Variants in SLC35A3 observed in about 807,000 individuals in gnomAD.
The protein encoded by SLC35A3 is solute carrier family 35 member A3, also known as UDP-N-acetylglucosamine transporter.
In SLC35A3, 26 loss-of-function variants were observed where a neutral mutation model predicts 39.0. That is an observed-to-expected ratio of 0.67 (90% CI 0.49 to 0.92). The LOEUF (loss-of-function observed/expected upper bound fraction) is 0.92. Among genes scored for constraint, SLC35A3 ranks in the 40% least tolerant of loss-of-function variants. The probability of loss-of-function intolerance (pLI) is 0.00; values close to 1 mark genes in which losing one functional copy is unlikely to be tolerated. For missense variants in SLC35A3, 299 were observed against 371.6 expected, an observed-to-expected ratio of 0.80 and a Z score of 1.61; for synonymous variants, 135 against 133.1, an observed-to-expected ratio of 1.01 and a Z score of -0.10.
intron 2 of SLC35A3, among the ~76,000 whole-genome samples, chr1:99,997,872 A>T (rs990002894): frequency 6.6e-6 from 1 of 152,098 alleles, no homozygotes; most frequent in Non-Finnish European, 1.5e-5. Flanking sequence ...CAACCTAGAT[A>T]CTGGAAGGTC....
Position 100,017,787 on chromosome 1 carries a change from T to A in SLC35A3, c.859T>A (p.Phe287Ile), listed in dbSNP as rs1368267376. The A allele has an allele frequency of 6.4e-7, 1 of 1,573,404 alleles. No individual in the cohort carries two copies. The highest frequency in any genetic ancestry group is 8.6e-7 in the Non-Finnish European group (1 of 1,164,940). The change falls in exon 7 of 8, where the codon TTT becomes ATT. Residue 287 changes from phenylalanine (F) to isoleucine (I), a missense_variant. By Grantham distance (21) the Phe-to-Ile change is conservative (BLOSUM62 0). Coordinates refer to ENST00000533028, the MANE Select transcript of SLC35A3 (RefSeq NM_012243.3). ...SIILSTLISYFWLQDFVPTSV... is the reference protein window; with the variant it reads ...SIILSTLISYIWLQDFVPTSV... Reference sequence around the variant, plus strand: ...AATATTATCAACATTGATCTCCTATTTTTGGCTTCAAGATTTTGTGCCAAC... The same window carrying A: ...AATATTATCAACATTGATCTCCTATATTTGGCTTCAAGATTTTGTGCCAAC...
In SLC35A3 at chr1:100,007,062, C is replaced by T; in HGVS notation, c.371C>T (p.Thr124Ile). 1.2e-6 allele frequency: 2 copies of T among 1,608,368 alleles called. No homozygotes were observed. The highest frequency in any genetic ancestry group is 1.7e-6 in the Non-Finnish European group (2 of 1,178,238). Residue 124 changes from threonine (T) to isoleucine (I), a missense_variant, in exon 4 of 8, where the codon ACA (threonine) becomes ATA (isoleucine). Coordinates refer to ENST00000533028, the MANE Select transcript of SLC35A3 (RefSeq NM_012243.3). ...QVTYQLKILTTALFSVSMLSK... is the reference protein window; with the variant it reads ...QVTYQLKILTIALFSVSMLSK... ...ACGTATCAGTTAAAAATTCTTACAACAGCATTATTTTCTGTGTCTATGCTT... is the reference window on the plus strand; with the variant it reads ...ACGTATCAGTTAAAAATTCTTACAATAGCATTATTTTCTGTGTCTATGCTT...
At chr1:99,998,336 T>G (rs576186430) in intron 2 of SLC35A3, among the ~76,000 whole-genome samples, 207 of 152,200 alleles carry the variant, frequency 1.4e-3, no homozygotes, top group African/African-American at 4.7e-3. Context: ...AAAAAAATTT[T>G]TTTTTGAGAC....
intron 1 of SLC35A3, among the ~76,000 whole-genome samples, chr1:99,973,969 C>T (rs1026830884): frequency 2.0e-5 from 3 of 149,604 alleles, no homozygotes; most frequent in Non-Finnish European, 3.0e-5. Flanking sequence ...GAGCCAAAAT[C>T]GCTCCATTGC....
At chr1:99,976,502 G>T (rs957643733) in intron 1 of SLC35A3, among the ~76,000 whole-genome samples, 2 of 152,104 alleles carry the variant, frequency 1.3e-5, no homozygotes, top group African/African-American at 4.8e-5. Flanking sequence ...TTCTGTAAAG[G>T]CACATGCACT....
intron 4 of SLC35A3, among the ~76,000 whole-genome samples, chr1:100,010,909 CT>C (rs2101360483): frequency 6.6e-6 from 1 of 152,248 alleles, no homozygotes; most frequent in Admixed American, 6.5e-5. Flanking sequence ...GATGGACTGT[CT>C]TTTCCTGACA....
chr1:100,029,506 C>T lies in SLC35A3; in HGVS notation c.*7030C>T, dbSNP rs547463866. The T allele has an allele frequency of 6.7e-6, 1 of 149,216 alleles. No individual in the cohort carries two copies. Among genetic ancestry groups the T allele is most frequent in the Non-Finnish European group, 1.5e-5 (1 of 67,782 alleles). The allele number at this position is 149,216 out of a possible 1,614,324, so 9.2% of individuals were successfully genotyped here. A position where few individuals can be genotyped will look rare whatever the true frequency, so the allele number is the denominator to read the frequency against. On this transcript the variant is annotated 3_prime_UTR_variant, in exon 8 of 8. Coordinates refer to ENST00000533028, the MANE Select transcript of SLC35A3 (RefSeq NM_012243.3). ...AGTTCAGCGGCACGATCTCTGCTCA[C>T]TGCAACCTCCGCCTCCTGGGTTTGA...
At position 100,032,434 on chromosome 1, in the gene SLC35A3, GT is replaced by G. The variant is rs1661292088; in HGVS notation, c.*9959del. 1 of 151,936 alleles carries G rather than the reference GT, an allele frequency of 6.6e-6. No homozygotes were observed. Among genetic ancestry groups the G allele is most frequent in the Admixed American group, 6.6e-5 (1 of 15,254 alleles). The allele number at this position is 151,936 out of a possible 1,614,324, so 9.4% of individuals were successfully genotyped here. ...TATCCCTCTTTAAAAAAAAGACCATGTCTTCATGAATTTAAAAAAAATTACT... is the reference window on the plus strand; with the variant it reads ...TATCCCTCTTTAAAAAAAAGACCATGCTTCATGAATTTAAAAAAAATTACT... On this transcript the variant is annotated 3_prime_UTR_variant, in exon 8 of 8. Transcript: ENST00000533028.
chr1:99,972,710 C>A (rs1430454266), intron 1 of SLC35A3, among the ~76,000 whole-genome samples: 7 of 152,142 alleles, frequency 4.6e-5, no homozygotes, highest in Admixed American at 3.3e-4. Flanking sequence ...ATATTTGTTA[C>A]ATTAATCATG....
rs1480115490 is a variant in SLC35A3, at chr1:100,018,484, C to T, written c.887+669C>T. Reference sequence around the variant, plus strand: ...TCTCCTGATTTTCTCAACCTCTAAACTTTGGAATCTCCCAAGAATCTTTTA... The same window carrying T: ...TCTCCTGATTTTCTCAACCTCTAAATTTTGGAATCTCCCAAGAATCTTTTA... On this transcript the variant is annotated intron_variant, in intron 7 of 7. Transcript: ENST00000533028. 2.0e-5 allele frequency among the ~76,000 whole-genome samples: 3 copies of T among 152,134 alleles called. 1 individual carries two copies. The highest frequency in any genetic ancestry group is 4.4e-5 in the Non-Finnish European group (3 of 68,016).
In SLC35A3 at chr1:99,979,447, T is replaced by A. The variant is rs1388285196; in HGVS notation, c.-19+9285T>A. Among the ~76,000 whole-genome samples the A allele has an allele frequency of 5.6e-5, 8 of 143,538 alleles. No individual in the cohort carries two copies. In the East Asian group the frequency reaches 9.9e-4, roughly 18 times the overall value. The allele number at this position is 143,538 out of a possible 152,430, so 94.2% of individuals were successfully genotyped here. On this transcript the variant is annotated intron_variant, in intron 1 of 7. Coordinates refer to ENST00000533028, the MANE Select transcript of SLC35A3 (RefSeq NM_012243.3). Reference sequence around the variant, plus strand: ...TTTTCTTTCTTTTTTTTTTTTTTTTTATTTGAGACAGAGTCTCACTCTGTT... The same window carrying A: ...TTTTCTTTCTTTTTTTTTTTTTTTTAATTTGAGACAGAGTCTCACTCTGTT...
intron 1 of SLC35A3, among the ~76,000 whole-genome samples, chr1:99,989,802 G>T (rs1461534505): frequency 6.6e-6 from 1 of 152,106 alleles, no homozygotes; most frequent in Middle Eastern, 3.2e-3. Context: ...GTCTTGCTCT[G>T]TCACCCAGGC....
At chr1:100,004,364 GCA>G (rs1483410306) in intron 3 of SLC35A3, among the ~76,000 whole-genome samples, 1 of 152,174 alleles carries the variant, frequency 6.6e-6, no homozygotes, top group Non-Finnish European at 1.5e-5. Context: ...GAGTGCAGGG[GCA>G]CAGTCTTGGT....
Position 100,029,571 on chromosome 1 carries a change from C to T in SLC35A3, c.*7095C>T, listed in dbSNP as rs533803019. On this transcript the variant is annotated 3_prime_UTR_variant, in exon 8 of 8. Transcript: ENST00000533028. ...TCAGCCTCCCAAGTAGCTGGGATTA[C>T]TGGTGCTCACCACCACGCCCAACTA... 1 of 151,896 alleles carries T rather than the reference C, an allele frequency of 6.6e-6. No homozygotes were observed. Among genetic ancestry groups the T allele is most frequent in the African/African-American group, 2.4e-5 (1 of 41,396 alleles). The allele number at this position is 151,896 out of a possible 1,614,324, so 9.4% of individuals were successfully genotyped here. A position where few individuals can be genotyped will look rare whatever the true frequency, so the allele number is the denominator to read the frequency against.
rs1230062063 is a variant in SLC35A3, at chr1:100,029,872, G to C, written c.*7396G>C. 1 of 152,080 alleles carries C rather than the reference G, an allele frequency of 6.6e-6. No individual in the cohort carries two copies. The highest frequency in any genetic ancestry group is 1.5e-5 in the Non-Finnish European group (1 of 68,002). 9.4% of individuals were successfully genotyped at this position (152,080 alleles called of 1,614,324 possible). On this transcript the variant is annotated 3_prime_UTR_variant, in exon 8 of 8. Coordinates refer to ENST00000533028, the MANE Select transcript of SLC35A3 (RefSeq NM_012243.3). ...ACATATATATATATATAGAGAGAGA[G>C]AGAGCATAGTATTGTCATTTAGTTT...
chr1:100,023,107 A>G lies in SLC35A3; in HGVS notation c.*631A>G, dbSNP rs954902634. On this transcript the variant is annotated 3_prime_UTR_variant, in exon 8 of 8. Transcript: ENST00000533028. ...TAAATTTAATGTAGAGATACATACT[A>G]TTTCTCCATATGAATTTTAAGATAT... 6.6e-5 allele frequency: 10 copies of G among 152,168 alleles called. No homozygotes were observed. The highest frequency in any genetic ancestry group is 5.2e-4 in the Admixed American group (8 of 15,266). 9.4% of individuals were successfully genotyped at this position (152,168 alleles called of 1,614,324 possible). A position where few individuals can be genotyped will look rare whatever the true frequency, so the allele number is the denominator to read the frequency against.
chr1:99,986,165 CT>C (rs199503957), intron 1 of SLC35A3, among the ~76,000 whole-genome samples: 395 of 137,926 alleles, frequency 2.9e-3, no homozygotes, highest in African/African-American at 5.4e-3. Context: ...ATATATTCTA[CT>C]TTTTTTTTTT....
chr1:99,998,521 G>A (rs977508863), intron 2 of SLC35A3, among the ~76,000 whole-genome samples: 3 of 152,110 alleles, frequency 2.0e-5, no homozygotes, highest in South Asian at 2.1e-4. Flanking sequence ...TTTTCTTAGA[G>A]TCCTTTGTCC....
rs1661363695 is a variant in SLC35A3 at position 100,033,549 on chromosome 1, A to G, written c.*11073A>G. The G allele has an allele frequency of 6.6e-6, 1 of 152,198 alleles. No homozygotes were observed. The highest frequency in any genetic ancestry group is 2.4e-5 in the African/African-American group (1 of 41,520). 9.4% of individuals were successfully genotyped at this position (152,198 alleles called of 1,614,324 possible). ...TTTCACAACATGGGGTCTTTATAAAATTTCTTTGGATGTTTAGAAAGGTTT... is the reference window on the plus strand; with the variant it reads ...TTTCACAACATGGGGTCTTTATAAAGTTTCTTTGGATGTTTAGAAAGGTTT... On this transcript the variant is annotated 3_prime_UTR_variant, in exon 8 of 8. Transcript: ENST00000533028.
Sources: allele counts gnomAD v4.1 joint callset (sites outside exome capture counted in the v4.1 genomes callset), GRCh38; gene constraint gnomAD v4.1.1; transcripts MANE v1.5; gene names NCBI Gene and HGNC (gene_info 2026-07-23, HGNC 2026-07-21).